GLRA2: variants seen among roughly 807,000 people sequenced by gnomAD.
The protein encoded by GLRA2 is glycine receptor alpha 2.
A neutral mutation model predicts 31.6 loss-of-function variants in GLRA2; 11 were observed. That is an observed-to-expected ratio of 0.35 (90% CI 0.22 to 0.58). The LOEUF is 0.58. GLRA2 is among the 20% of genes least tolerant of loss of function. The pLI is 0.84. For synonymous variants in GLRA2, 132 were observed against 134.0 expected, an observed-to-expected ratio of 0.99 and a Z score of 0.10; for missense variants, 212 against 351.8, an observed-to-expected ratio of 0.60 and a Z score of 3.18.
chrX:14,509,933 C>T, the GLRA2 span, among the ~76,000 whole-genome samples: 1 of 111,568 alleles, frequency 9.0e-6, no homozygotes, highest in Non-Finnish European at 1.9e-5. Flanking sequence ...TGTTTGCTCA[C>T]AGCTAGCAAA....
chrX:14,542,791 A>G (rs979342974), intron 2 of GLRA2, among the ~76,000 whole-genome samples: 4 of 110,134 alleles, frequency 3.6e-5, no homozygotes, highest in Non-Finnish European at 7.6e-5. Context: ...CTACTTTAAC[A>G]TTAGTGCTGG....
chrX:14,568,550 G>T (rs755182866), intron 2 of GLRA2, among the ~76,000 whole-genome samples: 1 of 110,053 alleles, frequency 9.1e-6, no homozygotes, highest in Non-Finnish European at 1.9e-5. Flanking sequence ...AAAATTAGCC[G>T]GGCGTGGTGG....
chrX:14,518,655 ATGTGTGTGTG>A, the GLRA2 span, among the ~76,000 whole-genome samples: 3 of 108,096 alleles, frequency 2.8e-5, no homozygotes, highest in Non-Finnish European at 5.8e-5. Context: ...GTGTGTGTGT[ATGTGTGTGTG>A]TGTGTGTGAA....
At chrX:14,522,527 G>A in the GLRA2 span, among the ~76,000 whole-genome samples, 5 of 111,914 alleles carry the variant, frequency 4.5e-5, no homozygotes, top group African/African-American at 1.6e-4. Flanking sequence ...CTTTCCAGAA[G>A]GTTTTCGATT....
chrX:14,557,311 T>G (rs1216881987), intron 2 of GLRA2, among the ~76,000 whole-genome samples: 5 of 109,188 alleles, frequency 4.6e-5, no homozygotes, highest in Non-Finnish European at 9.5e-5. Context: ...GAGATGGGGT[T>G]TCACCATGTT....
chrX:14,501,572 C>CT, the GLRA2 span, among the ~76,000 whole-genome samples: 5 of 111,468 alleles, frequency 4.5e-5, no homozygotes, highest in South Asian at 1.9e-3. Flanking sequence ...GATCCAGCAA[C>CT]TTTTTTTCAC....
At chrX:14,650,263 T>G (rs369761832) in intron 7 of GLRA2, among the ~76,000 whole-genome samples, 9 of 110,660 alleles carry the variant, frequency 8.1e-5, no homozygotes, top group African/African-American at 3.0e-4. Flanking sequence ...CAAACCAACT[T>G]GAGACAAGGA....
chrX:14,520,227 C>T, the GLRA2 span, among the ~76,000 whole-genome samples: 1 of 111,681 alleles, frequency 9.0e-6, no homozygotes. Context: ...ATCATGATAA[C>T]GAAGGTGATG....
chrX:14,475,676 T>A, the GLRA2 span, among the ~76,000 whole-genome samples: 1 of 111,508 alleles, frequency 9.0e-6, no homozygotes, highest in South Asian at 3.8e-4. Context: ...AAATAATTTT[T>A]ACATTTCAAT....
In GLRA2 at chrX:14,607,138, C is replaced by T. The variant is rs1036725727; in HGVS notation, c.585C>T (p.Tyr195=). 8.4e-7 allele frequency: 1 copy of T among 1,188,345 alleles called. No individual in the cohort carries two copies. Among genetic ancestry groups the T allele is most frequent in the Non-Finnish European group, 1.1e-6 (1 of 876,154 alleles). ...ATGATTTCTTTACCTCAGTTGGGTA[C>T]ACGATGAATGACCTGATATTTGAGT... is the stretch of plus-strand genomic sequence containing the variant. The part of the protein sequence containing the change: ...TCTMQLESFG[Y]TMNDLIFEWL... Residue 195 remains tyrosine (Y), a synonymous_variant, in exon 6 of 9, where the codon TAC becomes TAT. Coordinates refer to ENST00000218075, the MANE Select transcript of GLRA2 (RefSeq NM_002063.4).
At chrX:14,641,638 C>A (rs912239398) in intron 7 of GLRA2, among the ~76,000 whole-genome samples, 3 of 111,442 alleles carry the variant, frequency 2.7e-5, no homozygotes, top group Non-Finnish European at 5.7e-5. Context: ...ATTGAAAGCC[C>A]TCATTAAGTT....
chrX:14,623,808 T>C (rs1328833885), intron 7 of GLRA2, among the ~76,000 whole-genome samples: 1 of 111,325 alleles, frequency 9.0e-6, no homozygotes, highest in African/African-American at 3.3e-5. Context: ...GTCTAAAATT[T>C]TCTTTTTTTG....
the GLRA2 span, among the ~76,000 whole-genome samples, chrX:14,471,400 C>G: frequency 9.0e-6 from 1 of 111,633 alleles, no homozygotes; most frequent in Non-Finnish European, 1.9e-5. Flanking sequence ...GTGACAACTA[C>G]AGGTCATGAA....
chrX:14,619,165 A>G (rs1358039244), intron 7 of GLRA2, among the ~76,000 whole-genome samples: 4 of 110,672 alleles, frequency 3.6e-5, no homozygotes, highest in Non-Finnish European at 7.6e-5. Flanking sequence ...TCCCTACCAC[A>G]CCTTTGTACT....
the GLRA2 span, among the ~76,000 whole-genome samples, chrX:14,486,738 A>G: frequency 8.9e-6 from 1 of 111,977 alleles, no homozygotes; most frequent in African/African-American, 3.2e-5. Context: ...ACTGTGAGTG[A>G]GTGTATAAAG....
chrX:14,522,791 C>G, the GLRA2 span, among the ~76,000 whole-genome samples: 1 of 111,719 alleles, frequency 9.0e-6, no homozygotes, highest in Non-Finnish European at 1.9e-5. Flanking sequence ...TTTTTCAGAG[C>G]AGTAGGTCTC....
the GLRA2 span, among the ~76,000 whole-genome samples, chrX:14,463,475 A>G: frequency 4.6e-4 from 52 of 112,001 alleles, no homozygotes; most frequent in African/African-American, 1.6e-3. Context: ...CTAGAGAGGC[A>G]GTAGGCCTTG....
At chrX:14,725,446 A>G (rs2091918912) in intron 8 of GLRA2, among the ~76,000 whole-genome samples, 1 of 111,415 alleles carries the variant, frequency 9.0e-6, no homozygotes, top group Admixed American at 9.6e-5. Context: ...AGTGAGACTC[A>G]CTACAACCTT....
intron 7 of GLRA2, among the ~76,000 whole-genome samples, chrX:14,679,672 G>A (rs1377410991): frequency 9.0e-6 from 1 of 110,889 alleles, no homozygotes; most frequent in African/African-American, 3.3e-5. Flanking sequence ...TTACAGCTTT[G>A]ATTTTACAGC....
Sources: allele counts gnomAD v4.1 joint callset (sites outside exome capture counted in the v4.1 genomes callset), GRCh38; gene constraint gnomAD v4.1.1; transcripts MANE v1.5; gene names NCBI Gene and HGNC (gene_info 2026-07-23, HGNC 2026-07-21).